Variants in CROCC2 observed in about 807,000 individuals in gnomAD.
CROCC2 encodes the protein ciliary rootlet coiled-coil protein 2.
CROCC2 carries 163 observed loss-of-function variants against 177.6 expected under a neutral mutation model. The observed-to-expected ratio is 0.92, with a 90% CI of 0.81 to 1.05. The LOEUF (loss-of-function observed/expected upper bound fraction) is 1.05, where lower values mean the gene tolerates loss of function less well. Ranked by LOEUF, CROCC2 falls within the 50% of genes least tolerant of loss-of-function variation. The pLI, the probability that CROCC2 is intolerant of heterozygous loss-of-function variation, is 0.00. For missense variants in CROCC2, 1,929 were observed against 1,797.8 expected (o/e 1.07, Z -1.32); for synonymous variants, 904 against 787.3 (o/e 1.15, Z -2.48).
Position 240,964,491 on chromosome 2 carries a change from GAGC to G in CROCC2, c.3334_3336del (p.Gln1112del). 6.5e-7 allele frequency: 1 copy of G among 1,548,872 alleles called. No individual in the cohort carries two copies. Among genetic ancestry groups the G allele is most frequent in the Non-Finnish European group, 8.7e-7 (1 of 1,146,858 alleles). ...TTTTAAGCGGTCCAAGGAGGAGAAGGAGCAGAAGCTGCTCATCCTGGAGGAGGC... is the reference window on the plus strand; with the variant it reads ...TTTTAAGCGGTCCAAGGAGGAGAAGGAGAAGCTGCTCATCCTGGAGGAGGC... On this transcript the variant is annotated inframe_deletion, in exon 22 of 32. Coordinates refer to ENST00000690015, the MANE Select transcript of CROCC2 (RefSeq NM_001351305.2).
chr2:240,922,691 T>TC (rs1313218104), intron 4 of CROCC2, 46 bp downstream of exon 4: 5 of 524,498 alleles, frequency 9.5e-6, no homozygotes, highest in African/African-American at 4.0e-5. Context: ...AGCACAGCCA[T>TC]CCCCCCGAGA....
In CROCC2 at chr2:240,930,180, C is replaced by T. The variant is rs935184597; in HGVS notation, c.660C>T (p.Gly220=). ...CTTGCTTTCAGACCCGGTCAGGGGG[C>T]CTGGGGCAGCCCCGGGACCTCCTCC... The part of the protein sequence containing the change: ...RWAQRQTRSG[G]LGQPRDLLLL... The change falls in exon 6 of 32, where the codon GGC becomes GGT. Residue 220 remains glycine (G), a synonymous_variant. Transcript: ENST00000690015. 8.9e-6 allele frequency: 5 copies of T among 562,862 alleles called. No individual in the cohort carries two copies. Among genetic ancestry groups the T allele is most frequent in the East Asian group, 3.0e-5 (1 of 32,800 alleles). The allele number at this position is 562,862 out of a possible 1,614,324, so 34.9% of individuals were successfully genotyped here.
chr2:240,927,271 G>A (rs1207049960), intron 5 of CROCC2, among the ~76,000 whole-genome samples: 2 of 152,140 alleles, frequency 1.3e-5, no homozygotes, highest in Admixed American at 1.3e-4. Flanking sequence ...TGTTGTGTCT[G>A]CGTGTAGATT....
Position 240,932,870 on chromosome 2 carries a change from A to G in CROCC2, c.1213A>G (p.Met405Val). 1 of 1,547,234 alleles carries G rather than the reference A, an allele frequency of 6.5e-7. No homozygotes were observed. The highest frequency in any genetic ancestry group is 1.4e-5 in the African/African-American group (1 of 73,080). The part of the protein sequence containing the change: ...PATLDPALQA[M>V]RAAIERRWRR... ...CACCCTGGACCCCGCACTGCAGGCC[A>G]TGCGGGCAGCCATAGAGAGGCGGTG... The change falls in exon 9 of 32, where the codon ATG becomes GTG. Residue 405 changes from methionine (M) to valine (V), a missense_variant. Met to Val is a conservative substitution (Grantham distance 21). This residue lies in a region of CROCC2 where 1,397 missense variants were observed against 1,239.9 expected (regional missense o/e 1.13). Transcript: ENST00000690015.
intron 1 of CROCC2, among the ~76,000 whole-genome samples, chr2:240,915,967 G>A (rs192271174): frequency 2.6e-3 from 393 of 152,292 alleles, no homozygotes; most frequent in Non-Finnish European, 4.4e-3. Context: ...GCGGACGCTG[G>A]GCCACAGCCT....
At chr2:240,913,291 T>A (rs2059299719) in intron 1 of CROCC2, among the ~76,000 whole-genome samples, 2 of 141,736 alleles carry the variant, frequency 1.4e-5, no homozygotes, top group African/African-American at 5.1e-5. Flanking sequence ...TCCCTCCACA[T>A]GGACACAGTG....
Position 240,960,172 on chromosome 2 carries a change from C to A in CROCC2, c.3087+728C>A, listed in dbSNP as rs1284754995. On this transcript the variant is annotated intron_variant, in intron 20 of 31. Transcript: ENST00000690015. This position sits in a 1 kb window ranked among gnomAD's most constrained non-coding sequence, Gnocchi z 5.0. ...TCGGACCCTTGGCCAAGAGGCCCAT[C>A]GAGCCATCCACTGAGGCACGGGGAG... Among the ~76,000 whole-genome samples, 1 of 152,262 alleles carries A rather than the reference C, an allele frequency of 6.6e-6. No homozygotes were observed. Among genetic ancestry groups the A allele is most frequent in the Admixed American group, 6.5e-5 (1 of 15,294 alleles).
chr2:240,980,029 G>A (rs74744809), intron 27 of CROCC2, among the ~76,000 whole-genome samples: 32 of 46,728 alleles, frequency 6.8e-4, no homozygotes, highest in East Asian at 4.7e-3. Context: ...AAGCTCTGGG[G>A]TAGGAGCCTC....
chr2:240,982,305 G>A lies in CROCC2; in HGVS notation c.4402-575G>A, dbSNP rs2059806557. The A allele has an allele frequency of 6.6e-6, 1 of 152,540 alleles. No homozygotes were observed. Among genetic ancestry groups the A allele is most frequent in the Admixed American group, 6.5e-5 (1 of 15,288 alleles). The allele number at this position is 152,540 out of a possible 1,614,324, so 9.4% of individuals were successfully genotyped here. A position where few individuals can be genotyped will look rare whatever the true frequency, so the allele number is the denominator to read the frequency against. ...GCGGTTTGGACAAGCTGAAGGCAGA[G>A]GGGCTGAGAAGAGGGCGCAGGGGTG... On this transcript the variant is annotated intron_variant, in intron 27 of 31. Transcript: ENST00000690015. The surrounding 1 kb of genome is among the most constrained non-coding windows in gnomAD (Gnocchi z 4.7).
rs746778476 is a variant in CROCC2, at chr2:240,930,997, C to A, written c.816C>A (p.Asn272Lys). The A allele has an allele frequency of 2.8e-6, 2 of 716,084 alleles. No homozygotes were observed. Among genetic ancestry groups the A allele is most frequent in the Admixed American group, 2.0e-5 (1 of 49,978 alleles). The allele number at this position is 716,084 out of a possible 1,614,324, so 44.4% of individuals were successfully genotyped here. ...TARRLHTACL[N>K]LDSNLRLSAS... is the part of the protein sequence containing the mutation. ...GCCGCCTGCACACCGCCTGCCTGAA[C>A]CTCGACTCCAACCTGCGGCTGTCGG... The change falls in exon 7 of 32, where the codon AAC becomes AAA. Residue 272 changes from asparagine to lysine, a missense_variant. Physicochemically the swap from Asn to Lys is moderately conservative, Grantham distance 94 (BLOSUM62 0). This residue lies in a region of CROCC2 where 1,397 missense variants were observed against 1,239.9 expected (regional missense o/e 1.13). Transcript: ENST00000690015.
chr2:240,990,151 C>G (rs1245596258), intron 30 of CROCC2, among the ~76,000 whole-genome samples: 1 of 152,236 alleles, frequency 6.6e-6, no homozygotes, highest in Non-Finnish European at 1.5e-5. Flanking sequence ...ACTGAGCTGT[C>G]ATTATGTGTG....
At position 240,965,724 on chromosome 2, in the gene CROCC2, G is replaced by A. The variant is rs868619658; in HGVS notation, c.3692G>A (p.Arg1231Gln). ...CTCCAGGAGCACCTCCGTGAGAGCC[G>A]GGGGGCTGAGCAGACCCTCCGAGCA... Reference protein sequence around the residue: ...QRLQEHLRESRGAEQTLRAEL... With the variant: ...QRLQEHLRESQGAEQTLRAEL... Residue 1231 changes from arginine (R) to glutamine (Q), a missense_variant, in exon 24 of 32, where the codon CGG (arginine) becomes CAG (glutamine). By Grantham distance (43) the Arg-to-Gln change is conservative. This residue lies in a region of CROCC2 where 144 missense variants were observed against 205.2 expected (regional missense o/e 0.70). Transcript: ENST00000690015. The A allele has an allele frequency of 1.3e-5, 20 of 1,545,018 alleles. No homozygotes were observed. Among genetic ancestry groups the A allele is most frequent in the African/African-American group, 4.1e-5 (3 of 73,128 alleles).
At chr2:240,981,995 G>A (rs1430806496) in intron 27 of CROCC2, 2 of 152,072 alleles carry the variant, frequency 1.3e-5, no homozygotes, top group Admixed American at 1.3e-4. Context: ...TCCCTCCTGG[G>A]ATGACAGGGA....
rs556803994 is a variant in CROCC2 at position 240,985,895 on chromosome 2, C to T, written c.4552-2844C>T. The T allele has an allele frequency of 7.8e-4, 352 of 454,160 alleles. 1 individual carries two copies. The Middle Eastern group carries it at 0.014, about 18-fold the overall frequency. 28.1% of individuals were successfully genotyped at this position (454,160 alleles called of 1,614,324 possible). On this transcript the variant is annotated intron_variant, in intron 28 of 31. Transcript: ENST00000690015. ...CAGGGTCTGGGTGCATGCAGGGCCCCCACCTGGCAGGTGAGGGCAGAGTGG... is the reference window on the plus strand; with the variant it reads ...CAGGGTCTGGGTGCATGCAGGGCCCTCACCTGGCAGGTGAGGGCAGAGTGG...
intron 7 of CROCC2, among the ~76,000 whole-genome samples, chr2:240,932,115 C>G (rs920176812): frequency 2.0e-5 from 3 of 152,206 alleles, no homozygotes; most frequent in Non-Finnish European, 2.9e-5. Context: ...GGCCTTGACT[C>G]CTGAGACACT....
rs533758345 is a variant in CROCC2, at chr2:240,959,953, C to T, written c.3087+509C>T. ...CAGGGCACTGGAGGGGCACACCTGC[C>T]GCTGGGAGGGCCAGCATGTGAAAGG... On this transcript the variant is annotated intron_variant, in intron 20 of 31. Coordinates refer to ENST00000690015, the MANE Select transcript of CROCC2 (RefSeq NM_001351305.2). Among the ~76,000 whole-genome samples the T allele has an allele frequency of 5.3e-5, 8 of 152,346 alleles. No individual in the cohort carries two copies. In the South Asian group the frequency reaches 1.5e-3, roughly 28 times the overall value.
Position 240,965,800 on chromosome 2 carries a change from T to C in CROCC2, c.3768T>C (p.Asp1256=). The C allele has an allele frequency of 6.8e-7, 1 of 1,479,266 alleles. No homozygotes were observed. The highest frequency in any genetic ancestry group is 1.4e-5 in the South Asian group (1 of 70,884). The allele number at this position is 1,479,266 out of a possible 1,614,324, so 91.6% of individuals were successfully genotyped here. A position where few individuals can be genotyped will look rare whatever the true frequency, so the allele number is the denominator to read the frequency against. The change falls in exon 24 of 32, where the codon GAT becomes GAC. Residue 1256 remains aspartate (D), a synonymous_variant. Coordinates refer to ENST00000690015, the MANE Select transcript of CROCC2 (RefSeq NM_001351305.2). ...RKLQEASGVA[D]ALQARLDQAC... ...TGCAGGAAGCCAGTGGTGTGGCTGA[T>C]GCTCTCCAGGCTCGCCTGGACCAGG...
At chr2:240,931,447 T>TG (rs2059430521) in intron 7 of CROCC2, among the ~76,000 whole-genome samples, 1 of 152,150 alleles carries the variant, frequency 6.6e-6, no homozygotes, top group African/African-American at 2.4e-5. Context: ...AACATTCTTC[T>TG]AGGGGCAAGA....
At chr2:240,961,738 T>G (rs2059637316) in intron 20 of CROCC2, among the ~76,000 whole-genome samples, 1 of 137,176 alleles carries the variant, frequency 7.3e-6, no homozygotes. Flanking sequence ...GCACACCACG[T>G]ACAGAGTGGA....
Sources: gnomAD v4.1 joint callset for allele counts (sites outside exome capture counted in the v4.1 genomes callset) on GRCh38, gnomAD v4.1.1 for gene constraint, gnomAD v4.1.1 regional missense constraint, Gnocchi (gnomAD v3.1) non-coding constraint, MANE v1.5 for transcripts, NCBI Gene and HGNC (gene_info 2026-07-23, HGNC 2026-07-21) for gene names.